The following NBPF20 variants were observed in gnomAD, a reference collection of about 807,000 sequenced individuals.
NBPF20 encodes the protein NBPF family member NBPF20.
NBPF20 carries 90 observed loss-of-function variants against 68.1 expected under a neutral mutation model. That is an observed-to-expected ratio of 1.32 (90% confidence interval 1.11 to 1.58). The LOEUF is 1.58. NBPF20 is among the 40% of genes most tolerant of loss of function. The pLI is 0.00. For missense variants in NBPF20, 816 were observed against 601.2 expected, an observed-to-expected ratio of 1.36 and a Z score of -3.74; for synonymous variants, 290 against 228.1, an observed-to-expected ratio of 1.27 and a Z score of -2.45.
the NBPF20 span, among the ~76,000 whole-genome samples, chr1:145,419,015 A>G: frequency 1.4e-5 from 2 of 145,458 alleles, no homozygotes; most frequent in South Asian, 4.5e-4. Flanking sequence ...ATGAGAGACA[A>G]AGAAAAAGAA....
At chr1:145,410,116 G>A (rs1254157857), upstream of NBPF20, among the ~76,000 whole-genome samples, 5 of 151,954 alleles carry the variant, frequency 3.3e-5, 1 homozygote, top group African/African-American at 1.2e-4. Context: ...ATTTTCAAAG[G>A]AGCCATACCA....
intron 7 of NBPF20, among the ~76,000 whole-genome samples, chr1:145,398,786 G>A (rs1433012016): frequency 1.3e-5 from 2 of 151,420 alleles, no homozygotes; most frequent in Non-Finnish European, 2.9e-5. Context: ...ATGAATCCAG[G>A]GCTGGTTTTT....
At chr1:145,425,509 C>G in the NBPF20 span, among the ~76,000 whole-genome samples, 3,873 of 151,478 alleles carry the variant, frequency 0.026, 162 homozygotes, top group African/African-American at 0.088. Flanking sequence ...GCCTCGCGAC[C>G]CTCACCTACC....
intron 9 of NBPF20, 180 bp downstream of exon 14, chr1:145,393,704 G>A (rs1192242415): frequency 1.6e-5 from 23 of 1,469,760 alleles, no homozygotes; most frequent in African/African-American, 2.8e-5. Flanking sequence ...AATGATAAGG[G>A]TAGGAAGAAA....
chr1:145,393,829 T>C (rs2101534818), intron 9 of NBPF20, 55 bp downstream of exon 14: 4 of 1,279,304 alleles, frequency 3.1e-6, no homozygotes, highest in East Asian at 2.3e-5. Flanking sequence ...TTCCCTGGAC[T>C]TGGCATCTCC....
In NBPF20 at chr1:145,394,945, G is replaced by T; in HGVS notation, c.991+33C>A. 3 of 1,611,906 alleles carry T rather than the reference G, an allele frequency of 1.9e-6. No individual in the cohort carries two copies. In the South Asian group the frequency reaches 3.3e-5, roughly 18 times the overall value. On this transcript the variant is annotated intron_variant, in intron 8 of 137. Transcript: ENST00000369373. Reference sequence around the variant, plus strand: ...ATGGGGTCTACCTGGGCCATGAACTGGAGCTTTATCACCTTCACAGTGTAG... The same window carrying T: ...ATGGGGTCTACCTGGGCCATGAACTTGAGCTTTATCACCTTCACAGTGTAG...
intron 10 of NBPF20, 129 bp downstream of exon 15, chr1:145,392,945 T>C (rs1179761043): frequency 3.4e-5 from 12 of 353,300 alleles, no homozygotes. Flanking sequence ...TCATTCAACC[T>C]ACATGTGCCT....
At chr1:145,396,352 G>A (rs1662237635) in intron 7 of NBPF20, among the ~76,000 whole-genome samples, 1 of 151,426 alleles carries the variant, frequency 6.6e-6, no homozygotes, top group African/African-American at 2.4e-5. Context: ...ATGGGACTAT[G>A]TGGAAAGACC....
At chr1:145,394,478 C>G (rs1225678140) in intron 8 of NBPF20, among the ~76,000 whole-genome samples, 1 of 152,068 alleles carries the variant, frequency 6.6e-6, no homozygotes. Flanking sequence ...CTAAAACAAG[C>G]GAACTTAGAA....
At chr1:145,423,356 C>G in the NBPF20 span, among the ~76,000 whole-genome samples, 1 of 150,854 alleles carries the variant, frequency 6.6e-6, no homozygotes, top group South Asian at 2.1e-4. Flanking sequence ...GGAGGATCAC[C>G]TGAGCCTTGG....
intron 118 of NBPF20, among the ~76,000 whole-genome samples, chr1:145,307,213 C>A (rs1378147975): frequency 7.0e-4 from 20 of 28,378 alleles, no homozygotes; most frequent in Non-Finnish European, 8.3e-4. Flanking sequence ...GAATTTTTTA[C>A]ATCTGCCTGG....
chr1:145,291,755 A>G (rs1553657756), exon 138 of NBPF20: 5 of 1,611,870 alleles, frequency 3.1e-6, no homozygotes, highest in African/African-American at 1.3e-5. Flanking sequence ...CACTTCCATC[A>G]GCACGCCGTT....
At chr1:145,404,811 G>C (rs1472366803) in intron 2 of NBPF20, among the ~76,000 whole-genome samples, 1 of 151,126 alleles carries the variant, frequency 6.6e-6, no homozygotes, top group Non-Finnish European at 1.5e-5. Flanking sequence ...GAGGATTCTT[G>C]AAAACATGAT....
At chr1:145,400,999 C>A in intron 5 of NBPF20, 60 bp downstream of exon 10, 1 of 1,527,200 alleles carries the variant, frequency 6.5e-7, no homozygotes, top group East Asian at 2.2e-5. Context: ...AGAGGGTGTG[C>A]CTCCTAGATA....
chr1:145,366,602 A>T, intron 43 of NBPF20, among the ~76,000 whole-genome samples: 1 of 94,972 alleles, frequency 1.1e-5, no homozygotes, highest in East Asian at 3.9e-4. Context: ...ACACACACAC[A>T]CACACAGAGA....
intron 136 of NBPF20, among the ~76,000 whole-genome samples, chr1:145,292,967 G>C (rs200363100): frequency 1.7e-4 from 1 of 6,016 alleles, no homozygotes. Context: ...ATGTCATGAG[G>C]ATAGGATCAG....
chr1:145,292,452 T>A (rs782631537), exon 137 of NBPF20: 2 of 717,552 alleles, frequency 2.8e-6, no homozygotes, highest in South Asian at 2.9e-5. Flanking sequence ...TTGATCTTCT[T>A]CCCCTTCTTT....
chr1:145,410,884 T>C, the NBPF20 span, among the ~76,000 whole-genome samples: 2 of 129,170 alleles, frequency 1.5e-5, no homozygotes, highest in Non-Finnish European at 3.1e-5. Flanking sequence ...TATATATATG[T>C]ATACACACAC....
At chr1:145,405,386 C>G (rs112788576) in intron 1 of NBPF20, 24 bp downstream of exon 6, 2 of 1,522,788 alleles carry the variant, frequency 1.3e-6, no homozygotes, top group African/African-American at 2.8e-5. Context: ...TGAGGGATGT[C>G]AGTAACTGAA....
Sources: gnomAD v4.1 joint callset for allele counts (sites outside exome capture counted in the v4.1 genomes callset) on GRCh38, gnomAD v4.1.1 for gene constraint, MANE v1.5 for transcripts, NCBI Gene and HGNC (gene_info 2026-07-23, HGNC 2026-07-21) for gene names.